GPR89B: variants seen among roughly 807,000 people sequenced by gnomAD.
GPR89B encodes the protein golgi pH regulator B, also known as G protein-coupled receptor 89B.
GPR89B carries 25 observed loss-of-function variants against 52.4 expected under a neutral mutation model. The observed-to-expected ratio is 0.48, with a 90% confidence interval of 0.35 to 0.67. GPR89B has a LOEUF of 0.67. Ranked by LOEUF, GPR89B falls within the 30% of genes least tolerant of loss-of-function variation. GPR89B has a pLI of 0.01. For synonymous variants in GPR89B, 52 were observed against 151.2 expected (o/e 0.34, Z 4.81); for missense variants, 146 against 450.2 (o/e 0.32, Z 6.11).
intron 5 of GPR89B, among the ~76,000 whole-genome samples, chr1:147,948,967 C>G (rs1270098791): frequency 6.6e-6 from 1 of 151,870 alleles, no homozygotes; most frequent in East Asian, 1.9e-4. Context: ...TGACTCTTAA[C>G]GAGCATGCTG....
In GPR89B at chr1:147,986,286, C is replaced by G; in HGVS notation, c.997C>G (p.Gln333Glu). 1 of 1,611,082 alleles carries G rather than the reference C, an allele frequency of 6.2e-7. No individual in the cohort carries two copies. The highest frequency in any genetic ancestry group is 8.5e-7 in the Non-Finnish European group (1 of 1,179,350). Residue 333 changes from glutamine (Q) to glutamate (E), a missense_variant, in exon 11 of 14, where the codon CAA becomes GAA. By Grantham distance (29) the Gln-to-Glu change is conservative. Coordinates refer to ENST00000314163, the MANE Select transcript of GPR89B (RefSeq NM_016334.5). ...GATCACTGTGAATTATCTGGGAATC[C>G]AATTTGATGTAAGTGTTATATCAAG... ...IEITVNYLGI[Q>E]FDVKFWSQHI...
At chr1:147,989,912 C>T (rs1174104028) in intron 12 of GPR89B, among the ~76,000 whole-genome samples, 98 of 152,120 alleles carry the variant, frequency 6.4e-4, no homozygotes, top group South Asian at 2.5e-3. Context: ...ATATTGCACA[C>T]GCAATAAACA....
chr1:147,971,975 T>A (rs1408704905), intron 10 of GPR89B, among the ~76,000 whole-genome samples: 14 of 151,998 alleles, frequency 9.2e-5, no homozygotes, highest in Non-Finnish European at 1.9e-4. Flanking sequence ...GTAATGCCTC[T>A]CTCCCACACC....
intron 12 of GPR89B, among the ~76,000 whole-genome samples, chr1:147,989,368 T>C (rs1571322236): frequency 6.6e-6 from 1 of 152,146 alleles, no homozygotes; most frequent in Non-Finnish European, 1.5e-5. Context: ...ACTTAAAATC[T>C]CAGTTTCCAA....
chr1:147,961,546 C>T (rs1457539769), intron 7 of GPR89B, among the ~76,000 whole-genome samples: 5 of 152,198 alleles, frequency 3.3e-5, no homozygotes, highest in South Asian at 2.1e-4. Flanking sequence ...GTGGTGAATG[C>T]GCTTGACCAG....
the GPR89B span, among the ~76,000 whole-genome samples, chr1:148,009,894 A>G: frequency 6.6e-6 from 1 of 152,098 alleles, no homozygotes; most frequent in East Asian, 1.9e-4. Flanking sequence ...AAAGGTATGT[A>G]AGCTCGGGAG....
the GPR89B span, among the ~76,000 whole-genome samples, chr1:148,018,437 G>A: frequency 6.9e-5 from 10 of 145,484 alleles, no homozygotes; most frequent in East Asian, 2.0e-4. Context: ...AAAAAAGAAA[G>A]AAAAGAAAAA....
chr1:147,957,897 T>C (rs1571269748), intron 7 of GPR89B, among the ~76,000 whole-genome samples: 2 of 151,854 alleles, frequency 1.3e-5, no homozygotes, highest in Admixed American at 6.5e-5. Flanking sequence ...ACCCCATCTC[T>C]ACTAAAGATA....
At chr1:147,951,737 C>A (rs1655721071) in intron 5 of GPR89B, among the ~76,000 whole-genome samples, 1 of 151,848 alleles carries the variant, frequency 6.6e-6, no homozygotes, top group Admixed American at 6.6e-5. Context: ...TTGCTTACCC[C>A]CCTGGCAGAA....
the GPR89B span, among the ~76,000 whole-genome samples, chr1:148,019,961 G>A: frequency 6.6e-6 from 1 of 151,748 alleles, no homozygotes; most frequent in Admixed American, 6.6e-5. Context: ...TGTAGGAGGA[G>A]AGAAGCTCAA....
At chr1:147,952,030 A>T (rs1437137420) in intron 5 of GPR89B, among the ~76,000 whole-genome samples, 2 of 152,082 alleles carry the variant, frequency 1.3e-5, no homozygotes, top group Non-Finnish European at 1.5e-5. Flanking sequence ...TAGTAGAGTG[A>T]AGGTAGTTTA....
At chr1:147,990,566 G>T (rs1354359325) in intron 12 of GPR89B, among the ~76,000 whole-genome samples, 1 of 152,136 alleles carries the variant, frequency 6.6e-6, no homozygotes, top group Admixed American at 6.5e-5. Context: ...TTCTTCTAGG[G>T]TTTTTATGGT....
intron 1 of GPR89B, 59 bp from the exon 2 acceptor site, chr1:147,936,568 C>T: frequency 7.8e-7 from 1 of 1,277,376 alleles, no homozygotes; most frequent in Non-Finnish European, 1.1e-6. Context: ...AAAAGAGTTT[C>T]TATAAAACAT....
At chr1:148,008,320 TTTC>T in the GPR89B span, among the ~76,000 whole-genome samples, 1 of 152,176 alleles carries the variant, frequency 6.6e-6, no homozygotes, top group African/African-American at 2.4e-5. Flanking sequence ...GAATTATGAT[TTTC>T]TTTTTTTTAC....
At chr1:148,020,753 T>A in the GPR89B span, among the ~76,000 whole-genome samples, 17 of 152,018 alleles carry the variant, frequency 1.1e-4, no homozygotes, top group Admixed American at 2.0e-4. Context: ...AGTTGCACGA[T>A]CCTGGCTCAC....
At chr1:148,020,828 C>A in the GPR89B span, among the ~76,000 whole-genome samples, 1 of 151,790 alleles carries the variant, frequency 6.6e-6, no homozygotes, top group Non-Finnish European at 1.5e-5. Flanking sequence ...GCTGCGATTA[C>A]AGGCACGTGT....
At chr1:147,937,224 G>A (rs1166750341) in intron 2 of GPR89B, among the ~76,000 whole-genome samples, 1 of 151,552 alleles carries the variant, frequency 6.6e-6, no homozygotes, top group African/African-American at 2.4e-5. Context: ...TGGTGACTCC[G>A]AGCCACAAAA....
chr1:147,985,342 T>C (rs1315690653), intron 10 of GPR89B, among the ~76,000 whole-genome samples: 1 of 152,018 alleles, frequency 6.6e-6, no homozygotes, highest in Non-Finnish European at 1.5e-5. Context: ...AACCTATTTG[T>C]ATCTTTATAT....
chr1:147,938,956 A>G (rs1228482459), intron 3 of GPR89B, 139 bp downstream of exon 3: 9 of 816,658 alleles, frequency 1.1e-5, no homozygotes, highest in African/African-American at 5.5e-5. Flanking sequence ...AATGATCACA[A>G]CAGATATGGG....
Sources: gnomAD v4.1 joint callset for allele counts (sites outside exome capture counted in the v4.1 genomes callset) on GRCh38, gnomAD v4.1.1 for gene constraint, MANE v1.5 for transcripts, NCBI Gene and HGNC (gene_info 2026-07-23, HGNC 2026-07-21) for gene names.